The following MYO6 variants were observed in gnomAD, a reference collection of about 807,000 sequenced individuals.
MYO6 encodes myosin VI.
In MYO6, 74 loss-of-function variants were observed where a neutral mutation model predicts 178.7. The ratio of observed to expected loss-of-function variants is 0.41; its 90% confidence interval spans 0.34 to 0.50. The LOEUF is 0.50. MYO6 is among the 20% of genes least tolerant of loss of function. The pLI is 0.09. For synonymous variants in MYO6, 477 were observed against 504.6 expected, an observed-to-expected ratio of 0.95 and a Z score of 0.73; for missense variants, 1,330 against 1,547.4, an observed-to-expected ratio of 0.86 and a Z score of 2.36.
At chr6:75,794,467 A>G (rs1768570966) in intron 1 of MYO6, among the ~76,000 whole-genome samples, 1 of 152,226 alleles carries the variant, frequency 6.6e-6, no homozygotes, top group Non-Finnish European at 1.5e-5. Context: ...CCTAAAAGGC[A>G]TAGCAGTTCT....
intron 1 of MYO6, among the ~76,000 whole-genome samples, chr6:75,791,606 T>C (rs1768257436): frequency 6.6e-6 from 1 of 152,230 alleles, no homozygotes; most frequent in African/African-American, 2.4e-5. Context: ...TAAAAAGTAC[T>C]CGATCAAGGA....
At chr6:75,854,405 T>C (rs1343797291) in intron 11 of MYO6, among the ~76,000 whole-genome samples, 1 of 150,906 alleles carries the variant, frequency 6.6e-6, no homozygotes. Context: ...AGGAAGCATT[T>C]GTACTGATCT....
At chr6:75,756,902 TATATATATACAC>T (rs200272927) in intron 1 of MYO6, among the ~76,000 whole-genome samples, 2,645 of 96,192 alleles carry the variant, frequency 0.027, 145 homozygotes, top group African/African-American at 0.069. Flanking sequence ...TGTATATATA[TATATATATACAC>T]ATATATATAC....
chr6:75,907,814 G>GTGTGTGTA, intron 31 of MYO6, 106 bp downstream of exon 31: 2 of 796,432 alleles, frequency 2.5e-6, no homozygotes, highest in Non-Finnish European at 2.1e-6. Flanking sequence ...GTGTGTGTGT[G>GTGTGTGTA]TGTATGTGTG....
chr6:75,887,909 G>A (rs894576569), intron 25 of MYO6, among the ~76,000 whole-genome samples: 7 of 151,858 alleles, frequency 4.6e-5, no homozygotes, highest in African/African-American at 7.3e-5. Context: ...AACCGGGGGG[G>A]CGGAGCTTGC....
At position 75,770,624 on chromosome 6, in the gene MYO6, G is replaced by T. The variant is rs139783111; in HGVS notation, c.-48+21201G>T. 1.3e-3 allele frequency among the ~76,000 whole-genome samples: 201 copies of T among 152,248 alleles called. 1 individual carries two copies. The highest frequency in any genetic ancestry group is 4.5e-3 in the African/African-American group (188 of 41,540). ...CCTGAGTAGCCGGGATTACAAGCTT[G>T]CACCACCATGCCTGGCTAATTTTCG... On this transcript the variant is annotated intron_variant, in intron 1 of 34. Transcript: ENST00000369977.
chr6:75,895,166 C>T, intron 28 of MYO6, 65 bp from the exon 29 acceptor site: 1 of 1,278,572 alleles, frequency 7.8e-7, no homozygotes, highest in Non-Finnish European at 1.1e-6. Context: ...CACAAATTTG[C>T]ACAATCCAGA....
At chr6:75,785,473 CT>C (rs11325534) in intron 1 of MYO6, among the ~76,000 whole-genome samples, 36,324 of 126,218 alleles carry the variant, frequency 0.29, 7,248 homozygotes, top group African/African-American at 0.63. Flanking sequence ...CTTTTCTTTT[CT>C]TTTTTTTTTT....
Position 75,835,895 on chromosome 6 carries a change from A to T in MYO6, c.498-6A>T. 6.4e-7 allele frequency: 1 copy of T among 1,563,674 alleles called. No individual in the cohort carries two copies. Among genetic ancestry groups the T allele is most frequent in the Non-Finnish European group, 8.8e-7 (1 of 1,134,142 alleles). On this transcript the variant is annotated splice_polypyrimidine_tract_variant and splice_region_variant and intron_variant, in intron 6 of 34. Coordinates refer to ENST00000369977, the MANE Select transcript of MYO6 (RefSeq NM_004999.4). ...ATCAACATTTTTTATCCTATATTTT[A>T]AACAGATACCTGACTGAATCCTATG... is the stretch of plus-strand genomic sequence containing the variant.
Position 75,880,040 on chromosome 6 carries a change from C to T in MYO6, c.2209-3C>T, listed in dbSNP as rs1777892038. Reference sequence around the variant, plus strand: ...ATTTAACTTTTTAACTTTTATTTTTCAGGCTTTGTTTAAAGCTTTGGGCTT... The same window carrying T: ...ATTTAACTTTTTAACTTTTATTTTTTAGGCTTTGTTTAAAGCTTTGGGCTT... On this transcript the variant is annotated splice_region_variant and splice_polypyrimidine_tract_variant and intron_variant, in intron 21 of 34. Transcript: ENST00000369977. 3.7e-6 allele frequency: 6 copies of T among 1,613,030 alleles called. No homozygotes were observed. The highest frequency in any genetic ancestry group is 3.4e-6 in the Non-Finnish European group (4 of 1,179,704).
chr6:75,793,597 CA>C lies in MYO6; in HGVS notation c.-47-23895del, dbSNP rs534221434. On this transcript the variant is annotated intron_variant, in intron 1 of 34. Transcript: ENST00000369977. ...CCAGCCTGGGCGACAGACACTTTCT[CA>C]AAAAAAAAGAAAAAAAAATTAAAAT... Among the ~76,000 whole-genome samples the C allele has an allele frequency of 4.2e-5, 6 of 144,460 alleles. No homozygotes were observed. In the East Asian group the frequency reaches 1.0e-3, roughly 24 times the overall value. The allele number at this position is 144,460 out of a possible 152,430, so 94.8% of individuals were successfully genotyped here.
chr6:75,794,749 T>A lies in MYO6; in HGVS notation c.-47-22752T>A, dbSNP rs202231876. The stretch of plus-strand genomic sequence containing the variant: ...ATATAAGCAAAAAAAATAAAAAAAA[T>A]AAAAAAAAAAATAAAATGTGCTCTT... On this transcript the variant is annotated intron_variant, in intron 1 of 34. Coordinates refer to ENST00000369977, the MANE Select transcript of MYO6 (RefSeq NM_004999.4). Among the ~76,000 whole-genome samples the A allele has an allele frequency of 2.4e-3, 338 of 139,134 alleles. 4 individuals carry two copies. The highest frequency in any genetic ancestry group is 0.02 in the South Asian group (92 of 4,504). The allele number at this position is 139,134 out of a possible 152,430, so 91.3% of individuals were successfully genotyped here. A position where few individuals can be genotyped will look rare whatever the true frequency, so the allele number is the denominator to read the frequency against.
intron 1 of MYO6, among the ~76,000 whole-genome samples, chr6:75,799,863 T>TC (rs1040931749): frequency 3.9e-5 from 6 of 151,982 alleles, no homozygotes; most frequent in Non-Finnish European, 7.4e-5. Context: ...ATTTCCTGCT[T>TC]CCCCCCAGGC....
chr6:75,865,470 C>T (rs1460883754), intron 16 of MYO6: 2 of 145,140 alleles, frequency 1.4e-5, no homozygotes, highest in Admixed American at 1.4e-4. Flanking sequence ...CTCAAACCAT[C>T]CTCCCACCTT....
At chr6:75,880,948 C>A (rs898210483) in intron 22 of MYO6, among the ~76,000 whole-genome samples, 4 of 152,132 alleles carry the variant, frequency 2.6e-5, no homozygotes, top group Non-Finnish European at 1.5e-5. Flanking sequence ...AATTTCTCAT[C>A]TCTGTTTAAA....
Position 75,880,134 on chromosome 6 carries a change from T to G in MYO6, c.2286+14T>G. On this transcript the variant is annotated intron_variant, in intron 22 of 34. Transcript: ENST00000369977. ...AGACCTGGCAAGGTAAATATACATT[T>G]TTTACTTTAAACTGTAACATCATGA... 1 of 1,574,592 alleles carries G rather than the reference T, an allele frequency of 6.4e-7. No individual in the cohort carries two copies. Among genetic ancestry groups the G allele is most frequent in the South Asian group, 1.1e-5 (1 of 89,454 alleles).
chr6:75,750,600 GT>G (rs897087288), intron 1 of MYO6, among the ~76,000 whole-genome samples: 4 of 149,998 alleles, frequency 2.7e-5, no homozygotes, highest in Admixed American at 2.7e-4. Context: ...GAACTTGAGA[GT>G]TTTAAAAATT....
chr6:75,908,742 G>A (rs1780540388), intron 32 of MYO6, 115 bp downstream of exon 32: 2 of 1,136,446 alleles, frequency 1.8e-6, no homozygotes, highest in African/African-American at 3.1e-5. Flanking sequence ...TTTTAGAACT[G>A]TGAGCCATTG....
At chr6:75,859,896 G>A (rs1008221253) in intron 14 of MYO6, among the ~76,000 whole-genome samples, 2 of 152,114 alleles carry the variant, frequency 1.3e-5, no homozygotes, top group Non-Finnish European at 2.9e-5. Flanking sequence ...CTGACCTCAG[G>A]TGATCTGCCT....
Sources: allele counts gnomAD v4.1 joint callset (sites outside exome capture counted in the v4.1 genomes callset), GRCh38; gene constraint gnomAD v4.1.1; transcripts MANE v1.5; gene names NCBI Gene and HGNC (gene_info 2026-07-23, HGNC 2026-07-21).